The following TFEC variants were observed in gnomAD, a reference collection of about 807,000 sequenced individuals.
The protein encoded by TFEC is transcription factor EC.
TFEC carries 31 observed loss-of-function variants against 41.6 expected under a neutral mutation model. The observed-to-expected ratio is 0.74, with a 90% CI of 0.56 to 1.01. TFEC has a LOEUF of 1.01. TFEC is among the 50% of genes least tolerant of loss of function. The pLI is 0.00. For missense variants in TFEC, 402 were observed against 404.1 expected (o/e 0.99, Z 0.04); for synonymous variants, 143 against 140.6 (o/e 1.02, Z -0.12).
chr7:116,079,498 T>A (rs1226952711), intron 3 of TFEC, among the ~76,000 whole-genome samples: 1 of 152,006 alleles, frequency 6.6e-6, no homozygotes, highest in Non-Finnish European at 1.5e-5. Context: ...GATACAAAAC[T>A]CATGTACACA....
At chr7:116,049,251 A>T (rs1796248328) in intron 3 of TFEC, among the ~76,000 whole-genome samples, 1 of 152,210 alleles carries the variant, frequency 6.6e-6, no homozygotes, top group South Asian at 2.1e-4. Flanking sequence ...ACATGCAGAG[A>T]CACACATAGG....
intron 2 of TFEC, among the ~76,000 whole-genome samples, chr7:115,982,207 G>GAA: frequency 7.2e-6 from 1 of 138,032 alleles, no homozygotes; most frequent in East Asian, 2.1e-4. Flanking sequence ...AGGCTTGGGA[G>GAA]AAAAAAAAAA....
intron 3 of TFEC, among the ~76,000 whole-genome samples, chr7:115,959,691 G>A (rs1009890621): frequency 8.6e-5 from 13 of 150,778 alleles, no homozygotes; most frequent in Middle Eastern, 3.5e-3. Context: ...GAAATAGAAT[G>A]CTTAGAAAAA....
At chr7:116,105,621 T>C (rs541682188) in intron 3 of TFEC, among the ~76,000 whole-genome samples, 2 of 152,136 alleles carry the variant, frequency 1.3e-5, no homozygotes, top group South Asian at 2.1e-4. Flanking sequence ...AAACATGCTA[T>C]GAACCTTGTT....
At chr7:115,977,548 TA>T (rs201308572) in intron 2 of TFEC, among the ~76,000 whole-genome samples, 4,003 of 152,002 alleles carry the variant, frequency 0.026, 69 homozygotes, top group Non-Finnish European at 0.038. Flanking sequence ...TTTTTGGATA[TA>T]AAAACTCAGA....
intron 2 of TFEC, 111 bp downstream of exon 2, chr7:115,984,151 T>C: frequency 7.6e-7 from 1 of 1,322,876 alleles, no homozygotes; most frequent in Non-Finnish European, 1.0e-6. Context: ...CACATTTCTT[T>C]TGTTACATTT....
intron 3 of TFEC, among the ~76,000 whole-genome samples, chr7:115,967,215 C>A (rs1792897664): frequency 6.6e-6 from 1 of 151,364 alleles, no homozygotes; most frequent in African/African-American, 2.4e-5. Context: ...GAAAAAAATA[C>A]CTTATATATA....
chr7:116,051,385 C>A (rs1371838113), intron 3 of TFEC, among the ~76,000 whole-genome samples: 2 of 152,116 alleles, frequency 1.3e-5, no homozygotes, highest in African/African-American at 4.8e-5. Flanking sequence ...GATAAGAGTT[C>A]AAGTCATCAG....
chr7:116,079,072 C>A (rs1797027712), intron 3 of TFEC, among the ~76,000 whole-genome samples: 1 of 151,980 alleles, frequency 6.6e-6, no homozygotes, highest in East Asian at 1.9e-4. Flanking sequence ...GAATTAAAAA[C>A]AAAAATCACA....
At chr7:116,152,107 T>C (rs1457261690) in intron 1 of TFEC, among the ~76,000 whole-genome samples, 1 of 152,064 alleles carries the variant, frequency 6.6e-6, no homozygotes, top group Non-Finnish European at 1.5e-5. Flanking sequence ...TAGGAGCAAT[T>C]TGCGCAAAAA....
chr7:116,067,604 A>T (rs1796724919), intron 3 of TFEC, among the ~76,000 whole-genome samples: 1 of 151,978 alleles, frequency 6.6e-6, no homozygotes, highest in African/African-American at 2.4e-5. Context: ...TACTGCTTTG[A>T]ATATTTGACA....
At chr7:116,081,720 T>C (rs1797094793) in intron 3 of TFEC, among the ~76,000 whole-genome samples, 1 of 152,068 alleles carries the variant, frequency 6.6e-6, no homozygotes, top group African/African-American at 2.4e-5. Context: ...TTTTTCAACC[T>C]GACTCCACAC....
intron 1 of TFEC, among the ~76,000 whole-genome samples, chr7:116,129,841 A>G (rs1285576208): frequency 6.6e-6 from 1 of 152,068 alleles, no homozygotes; most frequent in Non-Finnish European, 1.5e-5. Flanking sequence ...CAAATTGTGG[A>G]GAAGATGGGT....
chr7:116,133,341 G>A (rs1033362031), intron 1 of TFEC, among the ~76,000 whole-genome samples: 5 of 152,184 alleles, frequency 3.3e-5, no homozygotes, highest in South Asian at 2.1e-4. Flanking sequence ...CTTGAGGCCA[G>A]GAGTTCGAGA....
chr7:116,027,914 C>T (rs947294051), intron 1 of TFEC, among the ~76,000 whole-genome samples: 1 of 152,116 alleles, frequency 6.6e-6, no homozygotes, highest in African/African-American at 2.4e-5. Context: ...CTCACCTATT[C>T]TTTCAAACCT....
intron 1 of TFEC, among the ~76,000 whole-genome samples, chr7:115,999,928 T>C (rs1794523458): frequency 6.6e-6 from 1 of 151,150 alleles, no homozygotes; most frequent in Non-Finnish European, 1.5e-5. Flanking sequence ...TCAAACTTTC[T>C]GAAAAATAAA....
chr7:116,004,647 AG>A (rs1415540422), intron 1 of TFEC, among the ~76,000 whole-genome samples: 1 of 152,230 alleles, frequency 6.6e-6, no homozygotes, highest in Non-Finnish European at 1.5e-5. Flanking sequence ...AATAATGCTT[AG>A]ATCCATTAAC....
intron 1 of TFEC, among the ~76,000 whole-genome samples, chr7:116,003,681 T>C (rs2130784723): frequency 6.6e-6 from 1 of 152,192 alleles, no homozygotes; most frequent in South Asian, 2.1e-4. Context: ...ACCAACAGGA[T>C]ACACATTTTT....
At chr7:115,985,708 T>C (rs1241055737) in intron 1 of TFEC, among the ~76,000 whole-genome samples, 1 of 152,072 alleles carries the variant, frequency 6.6e-6, no homozygotes, top group Non-Finnish European at 1.5e-5. Context: ...AAAATAATTT[T>C]TCAGTCATAT....
Sources: allele counts gnomAD v4.1 joint callset (sites outside exome capture counted in the v4.1 genomes callset), GRCh38; gene constraint gnomAD v4.1.1; transcripts MANE v1.5; gene names NCBI Gene and HGNC (gene_info 2026-07-23, HGNC 2026-07-21).